CWC27: variants seen among roughly 807,000 people sequenced by gnomAD.
CWC27 encodes spliceosome-associated protein CWC27 homolog.
A neutral mutation model predicts 63.6 loss-of-function variants in CWC27; 47 were observed. The observed-to-expected ratio is 0.74, with a 90% confidence interval of 0.58 to 0.94. The LOEUF is 0.94. Among genes scored for constraint, CWC27 ranks in the 40% least tolerant of loss-of-function variants. CWC27 has a pLI of 0.00. For missense variants in CWC27, 495 were observed against 554.3 expected, an observed-to-expected ratio of 0.89 and a Z score of 1.07; for synonymous variants, 175 against 179.8, an observed-to-expected ratio of 0.97 and a Z score of 0.22.
At chr5:64,858,984 G>A (rs1394853810) in intron 10 of CWC27, among the ~76,000 whole-genome samples, 2 of 152,160 alleles carry the variant, frequency 1.3e-5, no homozygotes, top group Non-Finnish European at 2.9e-5. Context: ...AACACTGGAA[G>A]CAACCCAAAT....
intron 11 of CWC27, among the ~76,000 whole-genome samples, chr5:64,958,482 T>A (rs976656762): frequency 2.0e-5 from 3 of 152,172 alleles, no homozygotes; most frequent in African/African-American, 7.2e-5. Flanking sequence ...CTAGACATAT[T>A]CCTTTTATGC....
intron 7 of CWC27, among the ~76,000 whole-genome samples, chr5:64,797,054 A>G (rs1337773821): frequency 6.6e-6 from 1 of 150,574 alleles, no homozygotes; most frequent in Non-Finnish European, 1.5e-5. Flanking sequence ...TCCAGATAAC[A>G]TAATTTTTCT....
chr5:64,914,806 GTAT>G (rs72409562), intron 11 of CWC27, among the ~76,000 whole-genome samples: 26,080 of 151,864 alleles, frequency 0.17, 2,511 homozygotes, highest in South Asian at 0.33. Flanking sequence ...GGAGTGTTCA[GTAT>G]TATTATTTTT....
chr5:64,892,698 C>T (rs1378247656), intron 11 of CWC27, among the ~76,000 whole-genome samples: 3 of 151,982 alleles, frequency 2.0e-5, no homozygotes, highest in Non-Finnish European at 4.4e-5. Context: ...CATCACACAA[C>T]GTGAGATATA....
intron 11 of CWC27, among the ~76,000 whole-genome samples, chr5:64,948,303 T>C (rs1748630493): frequency 6.6e-6 from 1 of 152,060 alleles, no homozygotes; most frequent in African/African-American, 2.4e-5. Flanking sequence ...TTTTAAATAT[T>C]GTTTTATGAT....
At chr5:64,994,782 T>C (rs1225443824) in intron 13 of CWC27, among the ~76,000 whole-genome samples, 1 of 152,210 alleles carries the variant, frequency 6.6e-6, no homozygotes, top group African/African-American at 2.4e-5. Flanking sequence ...ATTGCTAGTT[T>C]CTCCTTACCC....
chr5:64,795,621 G>A (rs1275519648), intron 7 of CWC27, among the ~76,000 whole-genome samples: 1 of 152,062 alleles, frequency 6.6e-6, no homozygotes, highest in Non-Finnish European at 1.5e-5. Flanking sequence ...TCTTTCCCAT[G>A]CTGCATTACT....
Position 64,785,570 on chromosome 5 carries a change from A to G in CWC27, c.486A>G (p.Lys162=). The G allele has an allele frequency of 1.9e-6, 3 of 1,590,800 alleles. No homozygotes were observed. The highest frequency in any genetic ancestry group is 2.6e-6 in the Non-Finnish European group (3 of 1,169,274). ...GACCACATAATCCACACAAAATAAA[A>G]AGCTGTGAGGTAGGAGCATGATTAT... is the stretch of plus-strand genomic sequence containing the variant. The part of the protein sequence containing the change: ...DERPHNPHKI[K]SCEVLFNPFD... The change falls in exon 5 of 14, where the codon AAA becomes AAG. Residue 162 remains lysine (K), a synonymous_variant. Coordinates refer to ENST00000381070, the MANE Select transcript of CWC27 (RefSeq NM_005869.4).
intron 2 of CWC27, among the ~76,000 whole-genome samples, chr5:64,776,305 A>C (rs986588737): frequency 3.9e-5 from 6 of 152,124 alleles, no homozygotes; most frequent in Non-Finnish European, 8.8e-5. Context: ...CAAAAGCTCA[A>C]GTTTTACAGA....
At chr5:64,795,034 G>A (rs1018164003) in intron 7 of CWC27, among the ~76,000 whole-genome samples, 2 of 152,152 alleles carry the variant, frequency 1.3e-5, no homozygotes, top group East Asian at 3.9e-4. Context: ...CAAATCCAGA[G>A]TTATAGAAGG....
intron 13 of CWC27, among the ~76,000 whole-genome samples, chr5:64,979,130 A>C (rs551170265): frequency 2.6e-5 from 4 of 152,334 alleles, no homozygotes; most frequent in South Asian, 4.1e-4. Flanking sequence ...CTCATTAGAA[A>C]GTTTAAAACG....
chr5:64,924,755 G>A (rs1408934580), intron 11 of CWC27, among the ~76,000 whole-genome samples: 1 of 152,206 alleles, frequency 6.6e-6, no homozygotes, highest in Non-Finnish European at 1.5e-5. Flanking sequence ...AGCTTCTGAG[G>A]CTAATAGAGG....
chr5:64,789,052 A>G, intron 7 of CWC27, 32 bp downstream of exon 7: 2 of 1,490,996 alleles, frequency 1.3e-6, no homozygotes, highest in Non-Finnish European at 1.8e-6. Context: ...GTTCTAACTT[A>G]CAAAAGAGAT....
chr5:64,798,594 G>A (rs535539580), intron 7 of CWC27, among the ~76,000 whole-genome samples: 8 of 152,196 alleles, frequency 5.3e-5, no homozygotes, highest in African/African-American at 1.7e-4. Flanking sequence ...AACTGTTGGA[G>A]AAAATTTTGT....
chr5:65,017,361 A>G (rs1375566924), intron 13 of CWC27, among the ~76,000 whole-genome samples: 1 of 152,118 alleles, frequency 6.6e-6, no homozygotes, highest in Non-Finnish European at 1.5e-5. Context: ...AATTCATTCA[A>G]CTGTTCTGAA....
At chr5:64,791,072 G>A (rs1391852481) in intron 7 of CWC27, among the ~76,000 whole-genome samples, 1 of 152,174 alleles carries the variant, frequency 6.6e-6, no homozygotes, top group African/African-American at 2.4e-5. Context: ...GGGGTAGAAG[G>A]CAGCTGGGGA....
intron 10 of CWC27, among the ~76,000 whole-genome samples, chr5:64,841,499 C>A (rs968125176): frequency 1.3e-5 from 2 of 152,290 alleles, no homozygotes; most frequent in Middle Eastern, 3.4e-3. Flanking sequence ...CCTTACCCAC[C>A]TAGTTACCAA....
At chr5:64,770,908 T>C (rs1246366217) in intron 1 of CWC27, among the ~76,000 whole-genome samples, 1 of 152,242 alleles carries the variant, frequency 6.6e-6, no homozygotes, top group East Asian at 1.9e-4. Context: ...GAATAGATTA[T>C]TCATTCAACA....
At chr5:64,882,223 A>G (rs1746955914) in intron 10 of CWC27, among the ~76,000 whole-genome samples, 1 of 152,204 alleles carries the variant, frequency 6.6e-6, no homozygotes, top group Non-Finnish European at 1.5e-5. Context: ...CAATGAAAGG[A>G]AAGGGAGAAG....
Sources: gnomAD v4.1 joint callset for allele counts (sites outside exome capture counted in the v4.1 genomes callset) on GRCh38, gnomAD v4.1.1 for gene constraint, MANE v1.5 for transcripts, NCBI Gene and HGNC (gene_info 2026-07-23, HGNC 2026-07-21) for gene names.